TRHDE: variants seen among roughly 807,000 people sequenced by gnomAD.
The protein encoded by TRHDE is thyrotropin releasing hormone degrading enzyme.
Under a neutral mutation model 125.7 loss-of-function variants are expected in TRHDE, and 72 were observed. The observed-to-expected ratio is 0.57, with a 90% CI of 0.47 to 0.70. TRHDE has a LOEUF of 0.70. Ranked by LOEUF, TRHDE falls within the 30% of genes least tolerant of loss-of-function variation. The pLI is 0.00. For synonymous variants in TRHDE, 509 were observed against 509.1 expected, an observed-to-expected ratio of 1.00 and a Z score of 0.00; for missense variants, 1,110 against 1,327.1, an observed-to-expected ratio of 0.84 and a Z score of 2.54.
In TRHDE at chr12:72,427,313, C is replaced by T. The variant is rs146333696; in HGVS notation, c.1316-42445C>T. ...GCCCTGATTATGGGCACTTTCTTCTCCCCTAGAACTCTCTCCACAGCTCTT... is the reference window on the plus strand; with the variant it reads ...GCCCTGATTATGGGCACTTTCTTCTTCCCTAGAACTCTCTCCACAGCTCTT... On this transcript the variant is annotated intron_variant, in intron 3 of 18. Coordinates refer to ENST00000261180, the MANE Select transcript of TRHDE (RefSeq NM_013381.3). Among the ~76,000 whole-genome samples the T allele has an allele frequency of 6.7e-3, 1,014 of 152,174 alleles. 9 individuals are homozygous for T. Among genetic ancestry groups the T allele is most frequent in the Non-Finnish European group, 8.2e-3 (555 of 67,998 alleles).
chr12:72,322,814 G>A (rs757934977), intron 2 of TRHDE, among the ~76,000 whole-genome samples: 3 of 152,076 alleles, frequency 2.0e-5, no homozygotes, highest in Non-Finnish European at 2.9e-5. Flanking sequence ...CTGTAAATGC[G>A]TTTTTAGGAC....
chr12:72,152,127 G>A (rs932229530), intron 2 of TRHDE, among the ~76,000 whole-genome samples: 1 of 151,290 alleles, frequency 6.6e-6, no homozygotes, highest in Non-Finnish European at 1.5e-5. Flanking sequence ...TTGTAAGTTG[G>A]ATTCCTAGGT....
chr12:72,606,871 A>T lies in TRHDE; in HGVS notation c.2322-12020A>T, dbSNP rs886819787. 2.0e-5 allele frequency among the ~76,000 whole-genome samples: 3 copies of T among 152,136 alleles called. No homozygotes were observed. The East Asian group carries it at 5.8e-4, about 29-fold the overall frequency. ...GAAGCAAATTCCACACTTCAAATTAATTTATTTAAATAATTTCACTGTGTA... is the reference window on the plus strand; with the variant it reads ...GAAGCAAATTCCACACTTCAAATTATTTTATTTAAATAATTTCACTGTGTA... On this transcript the variant is annotated intron_variant, in intron 12 of 18. Transcript: ENST00000261180.
chr12:72,540,111 A>G (rs927770527), intron 6 of TRHDE, among the ~76,000 whole-genome samples: 3 of 151,844 alleles, frequency 2.0e-5, no homozygotes, highest in Admixed American at 6.6e-5. Context: ...TGGCTAAACC[A>G]TGACAGTTGG....
chr12:72,202,385 C>T (rs1051311330), intron 2 of TRHDE, among the ~76,000 whole-genome samples: 2 of 152,092 alleles, frequency 1.3e-5, no homozygotes, highest in African/African-American at 4.8e-5. Context: ...TTGGCATAGT[C>T]CCTGGTATGT....
At chr12:72,333,439 A>T (rs970948956) in intron 2 of TRHDE, among the ~76,000 whole-genome samples, 6 of 152,194 alleles carry the variant, frequency 3.9e-5, no homozygotes, top group African/African-American at 1.2e-4. Flanking sequence ...GAGAATTGAG[A>T]CCTAATTTTA....
intron 2 of TRHDE, among the ~76,000 whole-genome samples, chr12:72,119,433 T>C (rs1398412947): frequency 1.3e-5 from 2 of 152,242 alleles, no homozygotes; most frequent in African/African-American, 4.8e-5. Flanking sequence ...TTGAATGTTT[T>C]AAAACTTGTT....
intron 6 of TRHDE, among the ~76,000 whole-genome samples, chr12:72,539,926 C>T (rs1456354792): frequency 6.6e-6 from 1 of 151,628 alleles, no homozygotes; most frequent in African/African-American, 2.4e-5. Flanking sequence ...TTTTGAATCA[C>T]AAGGTAATGT....
rs57483232 is a variant in TRHDE at position 72,121,720 on chromosome 12, C to CTTT, written n.279+15987_279+15989dup. ...TGCTTTTTGGTATTTACGAAGGTGCCTTTTTTTTTTTTTTTTTTTTTGATG... is the reference window on the plus strand; with the variant it reads ...TGCTTTTTGGTATTTACGAAGGTGCCTTTTTTTTTTTTTTTTTTTTTTTTGATG... On this transcript the variant is annotated intron_variant and non_coding_transcript_variant, in intron 2 of 4. Transcript: ENST00000548156. Among the ~76,000 whole-genome samples, 30 of 111,946 alleles carry CTTT rather than the reference C, an allele frequency of 2.7e-4. 1 individual carries two copies. Among genetic ancestry groups the CTTT allele is most frequent in the Non-Finnish European group, 3.1e-4 (17 of 54,818 alleles). The allele number at this position is 111,946 out of a possible 152,430, so 73.4% of individuals were successfully genotyped here.
At chr12:72,267,475 C>A (rs938396539), upstream of TRHDE, among the ~76,000 whole-genome samples, 4 of 152,032 alleles carry the variant, frequency 2.6e-5, no homozygotes, top group South Asian at 8.3e-4. Context: ...GAGGCTTGTT[C>A]TAGCTTGGTA....
chr12:72,521,632 C>T (rs1242567130), intron 6 of TRHDE, among the ~76,000 whole-genome samples: 5 of 152,118 alleles, frequency 3.3e-5, no homozygotes, highest in Non-Finnish European at 5.9e-5. Context: ...GGTATGTATT[C>T]CCCTGGTAAG....
chr12:72,420,490 C>T (rs1205919105), intron 3 of TRHDE, among the ~76,000 whole-genome samples: 2 of 151,894 alleles, frequency 1.3e-5, no homozygotes, highest in African/African-American at 4.8e-5. Context: ...GGGTGTGGAT[C>T]GTAAGATATA....
At chr12:72,418,710 C>T (rs571756672) in intron 3 of TRHDE, among the ~76,000 whole-genome samples, 1 of 152,172 alleles carries the variant, frequency 6.6e-6, no homozygotes, top group African/African-American at 2.4e-5. Flanking sequence ...TTTCATTAAT[C>T]CTCACACCAA....
chr12:72,158,711 T>C (rs1168007979), intron 2 of TRHDE, among the ~76,000 whole-genome samples: 1 of 152,214 alleles, frequency 6.6e-6, no homozygotes, highest in Non-Finnish European at 1.5e-5. Flanking sequence ...CAGAATTAAA[T>C]AAGATTTGCA....
intron 5 of TRHDE, among the ~76,000 whole-genome samples, chr12:72,495,648 T>A: frequency 6.6e-6 from 1 of 152,124 alleles, no homozygotes; most frequent in Non-Finnish European, 1.5e-5. Flanking sequence ...TTATTTAAGG[T>A]TAGGGCCTAG....
chr12:72,293,398 G>A (rs1880163980), intron 2 of TRHDE, among the ~76,000 whole-genome samples: 2 of 152,120 alleles, frequency 1.3e-5, no homozygotes, highest in Non-Finnish European at 2.9e-5. Flanking sequence ...AAGTGATCAA[G>A]GTGTATCAAG....
At chr12:72,325,961 G>T (rs1038168171) in intron 2 of TRHDE, among the ~76,000 whole-genome samples, 2 of 152,120 alleles carry the variant, frequency 1.3e-5, no homozygotes, top group African/African-American at 4.8e-5. Context: ...TGAAGGAAAA[G>T]GGTCTTATTC....
Position 72,618,892 on chromosome 12 carries a change from G to T in TRHDE, c.2323G>T (p.Ala775Ser). Residue 775 changes from alanine (A) to serine (S), a missense_variant and splice_region_variant, in exon 13 of 19, where the codon GCT becomes TCT. Coordinates refer to ENST00000261180, the MANE Select transcript of TRHDE (RefSeq NM_013381.3). Reference sequence around the variant, plus strand: ...ATCTTTTTTTTTTTTTAACTGTAGGGCTGGCTATTTGCCTCAGAATATTCC... The same window carrying T: ...ATCTTTTTTTTTTTTTAACTGTAGGTCTGGCTATTTGCCTCAGAATATTCC... Reference protein sequence around the residue: ...LIDDAFSLARAGYLPQNIPLE... With the variant: ...LIDDAFSLARSGYLPQNIPLE... The T allele has an allele frequency of 3.3e-6, 5 of 1,503,190 alleles. No individual in the cohort carries two copies. The highest frequency in any genetic ancestry group is 3.5e-6 in the Non-Finnish European group (4 of 1,127,598). 93.1% of individuals were successfully genotyped at this position (1,503,190 alleles called of 1,614,324 possible). A position where few individuals can be genotyped will look rare whatever the true frequency, so the allele number is the denominator to read the frequency against.
intron 2 of TRHDE, among the ~76,000 whole-genome samples, chr12:72,151,243 G>A (rs543994919): frequency 4.6e-5 from 7 of 151,530 alleles, no homozygotes; most frequent in Non-Finnish European, 1.0e-4. Flanking sequence ...TTTTGATGGA[G>A]TTGTTTTTTT....
Sources: allele counts gnomAD v4.1 joint callset (sites outside exome capture counted in the v4.1 genomes callset), GRCh38; gene constraint gnomAD v4.1.1; transcripts MANE v1.5; gene names NCBI Gene and HGNC (gene_info 2026-07-23, HGNC 2026-07-21).